CNBD1: variants seen among roughly 807,000 people sequenced by gnomAD.
CNBD1 encodes the protein cyclic nucleotide-binding domain-containing protein 1.
Under a neutral mutation model 54.4 loss-of-function variants are expected in CNBD1, and 71 were observed. The observed-to-expected ratio is 1.30, with a 90% CI of 1.08 to 1.59. The LOEUF (loss-of-function observed/expected upper bound fraction) is 1.59, where lower values mean the gene tolerates loss of function less well. Among genes scored for constraint, CNBD1 ranks in the 40% most tolerant of loss-of-function variants. The pLI is 0.00. For synonymous variants in CNBD1, 182 were observed against 170.7 expected (o/e 1.07, Z -0.51); for missense variants, 659 against 518.0 (o/e 1.27, Z -2.64).
chr8:87,373,056 A>G (rs992842770), intron 10 of CNBD1, among the ~76,000 whole-genome samples: 4 of 151,830 alleles, frequency 2.6e-5, no homozygotes, highest in African/African-American at 7.2e-5. Flanking sequence ...ACTTTTAAAA[A>G]TTATGACCAT....
chr8:87,068,430 T>C (rs1810697725), intron 4 of CNBD1, among the ~76,000 whole-genome samples: 1 of 151,970 alleles, frequency 6.6e-6, no homozygotes, highest in African/African-American at 2.4e-5. Context: ...TTACAACAAA[T>C]CTTTTAATTG....
intron 4 of CNBD1, among the ~76,000 whole-genome samples, chr8:87,160,842 G>A (rs943989836): frequency 2.0e-5 from 3 of 152,134 alleles, no homozygotes; most frequent in South Asian, 2.1e-4. Flanking sequence ...ATGTATTATC[G>A]TGGAGAACAC....
At chr8:87,111,162 C>A (rs1811653973) in intron 4 of CNBD1, among the ~76,000 whole-genome samples, 1 of 152,200 alleles carries the variant, frequency 6.6e-6, no homozygotes, top group African/African-American at 2.4e-5. Flanking sequence ...CAGGGACTTG[C>A]ACTTGGCTTT....
At chr8:87,206,645 A>G (rs1813982037) in intron 5 of CNBD1, among the ~76,000 whole-genome samples, 1 of 152,162 alleles carries the variant, frequency 6.6e-6, no homozygotes, top group East Asian at 1.9e-4. Flanking sequence ...GCCTCTCTAG[A>G]TAGATTTTCA....
chr8:87,093,930 TGTTCCTTTC>T (rs1811266797), intron 4 of CNBD1, among the ~76,000 whole-genome samples: 1 of 152,216 alleles, frequency 6.6e-6, no homozygotes, highest in East Asian at 1.9e-4. Context: ...TTAAAATCTC[TGTTCCTTTC>T]TAGGAACAGA....
Position 87,232,186 on chromosome 8 carries a change from A to T in CNBD1, c.578-4733A>T, listed in dbSNP as rs541345175. Among the ~76,000 whole-genome samples, 15 of 152,262 alleles carry T rather than the reference A, an allele frequency of 9.9e-5. No individual in the cohort carries two copies. In the South Asian group the frequency reaches 3.1e-3, roughly 32 times the overall value. On this transcript the variant is annotated intron_variant, in intron 5 of 10. Transcript: ENST00000518476. ...TTTACACATTTTCTTCCAGAGGGAC[A>T]CCTGAGATTTTTATAGAGTTCAGCT...
chr8:87,379,447 C>A (rs2130957770), intron 10 of CNBD1, among the ~76,000 whole-genome samples: 1 of 151,904 alleles, frequency 6.6e-6, no homozygotes, highest in South Asian at 2.1e-4. Context: ...AGCACCACAC[C>A]ACACCTATTC....
intron 6 of CNBD1, among the ~76,000 whole-genome samples, chr8:87,246,661 AG>A (rs766998993): frequency 2.3e-4 from 35 of 152,174 alleles, no homozygotes; most frequent in Non-Finnish European, 3.7e-4. Flanking sequence ...TGTCCCTTTT[AG>A]AATGCTGAAT....
intron 6 of CNBD1, among the ~76,000 whole-genome samples, chr8:87,260,088 C>T (rs955028500): frequency 2.0e-5 from 3 of 152,148 alleles, no homozygotes; most frequent in Admixed American, 2.0e-4. Flanking sequence ...GGGAAAAAAT[C>T]TTAGCTACTG....
At chr8:87,035,326 C>A (rs1182378916) in intron 4 of CNBD1, among the ~76,000 whole-genome samples, 1 of 152,092 alleles carries the variant, frequency 6.6e-6, no homozygotes, top group East Asian at 1.9e-4. Flanking sequence ...CTTACATTTC[C>A]TTTCTCATTG....
At chr8:87,423,672 G>T (rs1176298751) in intron 2 of CNBD1, among the ~76,000 whole-genome samples, 16 of 149,464 alleles carry the variant, frequency 1.1e-4, no homozygotes, top group Admixed American at 2.0e-4. Context: ...GCTGGATTCG[G>T]TTTGCCAGTA....
intron 4 of CNBD1, among the ~76,000 whole-genome samples, chr8:86,956,358 T>C (rs548858623): frequency 6.6e-6 from 1 of 152,338 alleles, no homozygotes; most frequent in South Asian, 2.1e-4. Flanking sequence ...TTTTTTCCAA[T>C]TCTGTGAAGA....
intron 5 of CNBD1, among the ~76,000 whole-genome samples, chr8:87,214,076 A>T (rs988402252): frequency 6.6e-6 from 1 of 152,214 alleles, no homozygotes; most frequent in African/African-American, 2.4e-5. Flanking sequence ...GTGGGTTCCC[A>T]TATCTTGGGC....
intron 10 of CNBD1, among the ~76,000 whole-genome samples, chr8:87,380,202 A>G (rs1025474050): frequency 2.0e-5 from 3 of 152,018 alleles, no homozygotes; most frequent in South Asian, 2.1e-4. Context: ...TAAAATGTCA[A>G]ATGTCAAGAT....
chr8:87,006,628 T>C (rs1023970620), intron 4 of CNBD1, among the ~76,000 whole-genome samples: 1 of 151,958 alleles, frequency 6.6e-6, no homozygotes, highest in African/African-American at 2.4e-5. Flanking sequence ...CCACACACTT[T>C]AAAGACCAGA....
At chr8:87,393,113 A>T (rs968447770) in intron 2 of CNBD1, among the ~76,000 whole-genome samples, 2 of 151,700 alleles carry the variant, frequency 1.3e-5, no homozygotes, top group South Asian at 4.1e-4. Context: ...GATTGAAAGT[A>T]GAGTAATTTT....
chr8:87,258,414 CTTTTT>C (rs931807913), intron 6 of CNBD1, among the ~76,000 whole-genome samples: 1 of 150,996 alleles, frequency 6.6e-6, no homozygotes, highest in African/African-American at 2.4e-5. Context: ...AAAAATTTTT[CTTTTT>C]TTTATTTCTT....
At chr8:86,926,673 A>G (rs117245568) in intron 3 of CNBD1, among the ~76,000 whole-genome samples, 2,381 of 152,280 alleles carry the variant, frequency 0.016, 36 homozygotes, top group Non-Finnish European at 0.024. Context: ...TCCCCTAAGA[A>G]GGTGCAGAGT....
At chr8:87,247,510 T>C (rs747962781) in intron 6 of CNBD1, among the ~76,000 whole-genome samples, 7 of 152,220 alleles carry the variant, frequency 4.6e-5, no homozygotes, top group Non-Finnish European at 1.0e-4. Flanking sequence ...AACACAGTTG[T>C]CAGTCTCCCC....
Sources: gnomAD v4.1 joint callset for allele counts (sites outside exome capture counted in the v4.1 genomes callset) on GRCh38, gnomAD v4.1.1 for gene constraint, MANE v1.5 for transcripts, NCBI Gene and HGNC (gene_info 2026-07-23, HGNC 2026-07-21) for gene names.